Variants in CSMD1 observed in about 807,000 individuals in gnomAD.
The protein encoded by CSMD1 is CUB and sushi domain-containing protein 1.
A neutral mutation model predicts 417.5 loss-of-function variants in CSMD1; 213 were observed. That is an observed-to-expected ratio of 0.51 (90% CI 0.46 to 0.57). The LOEUF is 0.57. CSMD1 is among the 20% of genes least tolerant of loss of function. The pLI is 0.00. For missense variants in CSMD1, 6,923 were observed against 4,529.7 expected, an observed-to-expected ratio of 1.53 and a Z score of -15.17; for synonymous variants, 2,862 against 1,736.8, an observed-to-expected ratio of 1.65 and a Z score of -16.11.
At chr8:4,536,960 G>C (rs1333022415) in intron 2 of CSMD1, among the ~76,000 whole-genome samples, 1 of 152,120 alleles carries the variant, frequency 6.6e-6, no homozygotes, top group Non-Finnish European at 1.5e-5. Flanking sequence ...ATGAGAAATG[G>C]CATATCATGA....
At chr8:3,354,258 A>G (rs1808596004) in intron 21 of CSMD1, among the ~76,000 whole-genome samples, 1 of 152,334 alleles carries the variant, frequency 6.6e-6, no homozygotes, top group East Asian at 1.9e-4. Flanking sequence ...AGCCTATACA[A>G]TGCCTCACAT....
chr8:3,956,856 G>T (rs2954646), intron 5 of CSMD1, among the ~76,000 whole-genome samples: 30 of 152,046 alleles, frequency 2.0e-4, no homozygotes, highest in African/African-American at 6.7e-4. Flanking sequence ...TTCCTGACTA[G>T]GAACTCCTTG....
At chr8:3,892,504 A>C (rs1420116119) in intron 5 of CSMD1, among the ~76,000 whole-genome samples, 1 of 150,390 alleles carries the variant, frequency 6.6e-6, no homozygotes, top group Non-Finnish European at 1.5e-5. Context: ...GAGACCGTGC[A>C]TCCAATCCTA....
intron 5 of CSMD1, among the ~76,000 whole-genome samples, chr8:3,996,928 A>T (rs919504232): frequency 2.0e-5 from 3 of 152,174 alleles, no homozygotes; most frequent in African/African-American, 4.8e-5. Flanking sequence ...TTCATGTTTG[A>T]CATGTTTGTC....
At chr8:4,624,399 CT>C (rs1401017243) in intron 2 of CSMD1, among the ~76,000 whole-genome samples, 1 of 152,128 alleles carries the variant, frequency 6.6e-6, no homozygotes, top group Non-Finnish European at 1.5e-5. Context: ...TTGGGGTCAA[CT>C]TCTTTGGATG....
chr8:4,714,069 C>T (rs182782502), intron 1 of CSMD1, among the ~76,000 whole-genome samples: 2 of 151,804 alleles, frequency 1.3e-5, no homozygotes, highest in Admixed American at 1.3e-4. Context: ...CACCTGAACC[C>T]GGGAGACAGA....
At chr8:3,698,085 A>G (rs1036258835) in intron 7 of CSMD1, among the ~76,000 whole-genome samples, 17 of 152,218 alleles carry the variant, frequency 1.1e-4, no homozygotes, top group Non-Finnish European at 1.8e-4. Context: ...TATAAACGGT[A>G]TGATGAATAA....
chr8:3,647,933 G>C (rs191667366), intron 7 of CSMD1, among the ~76,000 whole-genome samples: 1 of 152,224 alleles, frequency 6.6e-6, no homozygotes, highest in African/African-American at 2.4e-5. Flanking sequence ...TTGTTTGTAA[G>C]AGACATGTGC....
intron 5 of CSMD1, among the ~76,000 whole-genome samples, chr8:3,851,102 A>C (rs914010484): frequency 6.6e-6 from 1 of 152,228 alleles, no homozygotes; most frequent in Non-Finnish European, 1.5e-5. Flanking sequence ...TCTAGATATC[A>C]TTAAAGATGA....
intron 12 of CSMD1, among the ~76,000 whole-genome samples, chr8:3,424,977 G>A (rs1052215235): frequency 2.0e-5 from 3 of 152,058 alleles, no homozygotes; most frequent in African/African-American, 4.8e-5. Flanking sequence ...TGGGACAACA[G>A]GTACATGCCA....
intron 41 of CSMD1, among the ~76,000 whole-genome samples, chr8:3,140,494 T>C (rs562040448): frequency 7.0e-4 from 106 of 152,330 alleles, no homozygotes; most frequent in Non-Finnish European, 1.2e-3. Flanking sequence ...TAGAGACATA[T>C]TGCTCACTGG....
chr8:4,493,325 T>C (rs1801803584), intron 2 of CSMD1, among the ~76,000 whole-genome samples: 1 of 152,180 alleles, frequency 6.6e-6, no homozygotes, highest in Non-Finnish European at 1.5e-5. Context: ...CGTGTGTGTG[T>C]ATGTTCACTC....
intron 2 of CSMD1, among the ~76,000 whole-genome samples, chr8:4,440,822 C>G (rs1798424841): frequency 6.6e-6 from 1 of 151,818 alleles, no homozygotes; most frequent in Admixed American, 6.6e-5. Flanking sequence ...ATGCTCAAAC[C>G]TCCTCTCTAC....
intron 52 of CSMD1, among the ~76,000 whole-genome samples, chr8:3,018,119 T>A (rs544155268): frequency 6.6e-6 from 1 of 152,376 alleles, no homozygotes; most frequent in Admixed American, 6.5e-5. Context: ...TGGATGAATA[T>A]AACTTCAATT....
At chr8:3,155,725 T>C (rs772925063) in intron 39 of CSMD1, among the ~76,000 whole-genome samples, 8 of 152,166 alleles carry the variant, frequency 5.3e-5, no homozygotes, top group Non-Finnish European at 1.2e-4. Flanking sequence ...GACATGTTAA[T>C]CTAGACATTT....
chr8:3,913,599 G>A (rs555081536), intron 5 of CSMD1, among the ~76,000 whole-genome samples: 12 of 152,316 alleles, frequency 7.9e-5, no homozygotes, highest in Admixed American at 2.6e-4. Context: ...TTTGCCCACA[G>A]ATCTGGCAAG....
intron 1 of CSMD1, among the ~76,000 whole-genome samples, chr8:4,759,384 T>C (rs1470823829): frequency 6.6e-6 from 1 of 152,216 alleles, no homozygotes; most frequent in African/African-American, 2.4e-5. Flanking sequence ...AAGAGGCTAT[T>C]ATCCAATGGC....
chr8:3,036,175 C>T (rs1462291931), intron 50 of CSMD1, among the ~76,000 whole-genome samples: 1 of 152,080 alleles, frequency 6.6e-6, no homozygotes, highest in East Asian at 1.9e-4. Flanking sequence ...TTAATTTGGC[C>T]GTGAGTAATT....
intron 2 of CSMD1, among the ~76,000 whole-genome samples, chr8:4,519,459 G>C (rs980360651): frequency 6.6e-6 from 1 of 151,864 alleles, no homozygotes; most frequent in East Asian, 1.9e-4. Flanking sequence ...GCTAGGGGAA[G>C]CTGGGCATGG....
Sources: allele counts gnomAD v4.1 joint callset (sites outside exome capture counted in the v4.1 genomes callset), GRCh38; gene constraint gnomAD v4.1.1; transcripts MANE v1.5; gene names NCBI Gene and HGNC (gene_info 2026-07-23, HGNC 2026-07-21).